The following AGBL4 variants were observed in gnomAD, a reference collection of about 807,000 sequenced individuals.
AGBL4 encodes the protein cytosolic carboxypeptidase 6.
Under a neutral mutation model 66.4 loss-of-function variants are expected in AGBL4, and 58 were observed. That is an observed-to-expected ratio of 0.87 (90% CI 0.71 to 1.09). The LOEUF is 1.09. Ranked by LOEUF, AGBL4 falls within the 50% of genes least tolerant of loss-of-function variation. AGBL4 has a pLI of 0.00. For missense variants in AGBL4, 579 were observed against 631.0 expected (o/e 0.92, Z 0.88); for synonymous variants, 234 against 222.9 (o/e 1.05, Z -0.44).
chr1:49,885,974 C>G (rs188383879), intron 1 of AGBL4, among the ~76,000 whole-genome samples: 1 of 152,094 alleles, frequency 6.6e-6, no homozygotes, highest in Non-Finnish European at 1.5e-5. Context: ...AAGTGATGAT[C>G]TTGGACTTCT....
At chr1:49,781,504 C>A (rs774837209) in intron 2 of AGBL4, among the ~76,000 whole-genome samples, 1 of 151,992 alleles carries the variant, frequency 6.6e-6, no homozygotes, top group Non-Finnish European at 1.5e-5. Context: ...TGAAGCAAAA[C>A]ATGACAGAAT....
chr1:49,458,460 T>C (rs959520771), intron 3 of AGBL4, among the ~76,000 whole-genome samples: 1 of 151,618 alleles, frequency 6.6e-6, no homozygotes, highest in African/African-American at 2.4e-5. Context: ...TAGATGAGTC[T>C]TTAGGATTTT....
chr1:49,870,417 T>C (rs1013391289), intron 1 of AGBL4, among the ~76,000 whole-genome samples: 1 of 151,904 alleles, frequency 6.6e-6, no homozygotes, highest in Non-Finnish European at 1.5e-5. Flanking sequence ...TAATTGTACA[T>C]TTTTAAATAA....
chr1:48,529,097 G>C (rs75758345), downstream of AGBL4, among the ~76,000 whole-genome samples: 297 of 152,070 alleles, frequency 2.0e-3, 10 homozygotes, highest in East Asian at 0.052. Flanking sequence ...AGTGAGCACA[G>C]ACTCTGCTAC....
At chr1:49,947,258 C>T (rs533726199) in intron 1 of AGBL4, among the ~76,000 whole-genome samples, 1 of 152,020 alleles carries the variant, frequency 6.6e-6, no homozygotes, top group Admixed American at 6.6e-5. Context: ...AAACTACAGA[C>T]TAATACCCCT....
intron 5 of AGBL4, among the ~76,000 whole-genome samples, chr1:48,938,205 C>T (rs758140287): frequency 5.9e-5 from 9 of 152,140 alleles, no homozygotes; most frequent in South Asian, 2.1e-4. Flanking sequence ...AAAGCACTGG[C>T]GTCTTACCTG....
chr1:48,629,461 C>T (rs1035180275), intron 9 of AGBL4, among the ~76,000 whole-genome samples: 78 of 152,146 alleles, frequency 5.1e-4, no homozygotes, highest in African/African-American at 1.8e-3. Flanking sequence ...ACAGTTAGAA[C>T]TGGCTCCCAC....
At chr1:49,629,627 G>A (rs943260306) in intron 3 of AGBL4, among the ~76,000 whole-genome samples, 4 of 152,042 alleles carry the variant, frequency 2.6e-5, no homozygotes, top group South Asian at 4.1e-4. Flanking sequence ...ATGATATTTC[G>A]GGTCATTGAA....
chr1:48,878,760 T>C (rs1649467103), intron 5 of AGBL4, among the ~76,000 whole-genome samples: 1 of 152,022 alleles, frequency 6.6e-6, no homozygotes, highest in Non-Finnish European at 1.5e-5. Flanking sequence ...TATTGTGGAG[T>C]TCCTGTGAAA....
chr1:49,561,555 GT>G (rs1644045153), intron 3 of AGBL4, among the ~76,000 whole-genome samples: 1 of 151,878 alleles, frequency 6.6e-6, no homozygotes, highest in Non-Finnish European at 1.5e-5. Flanking sequence ...AGAACATGTG[GT>G]TTTTGGTTTT....
At chr1:49,944,717 A>T (rs992673529) in intron 1 of AGBL4, among the ~76,000 whole-genome samples, 1 of 152,050 alleles carries the variant, frequency 6.6e-6, no homozygotes, top group African/African-American at 2.4e-5. Context: ...GACATCCCTG[A>T]TTTACCTGAA....
chr1:49,984,594 C>A (rs1262523650), intron 1 of AGBL4, among the ~76,000 whole-genome samples: 1 of 152,164 alleles, frequency 6.6e-6, no homozygotes, highest in Non-Finnish European at 1.5e-5. Context: ...CTTCCAGGTG[C>A]CTATCTTTGG....
At chr1:49,915,535 G>A (rs1027141564) in intron 1 of AGBL4, among the ~76,000 whole-genome samples, 1 of 152,224 alleles carries the variant, frequency 6.6e-6, no homozygotes, top group Non-Finnish European at 1.5e-5. Flanking sequence ...TGAGGCTGGG[G>A]AAGGGGCACC....
At chr1:49,270,277 G>C (rs1325748151) in intron 3 of AGBL4, among the ~76,000 whole-genome samples, 5 of 152,100 alleles carry the variant, frequency 3.3e-5, no homozygotes, top group Non-Finnish European at 7.3e-5. Context: ...CTCTCATCTT[G>C]TTTTATGTCC....
chr1:49,010,088 T>C (rs2149004158), intron 5 of AGBL4, among the ~76,000 whole-genome samples: 1 of 152,298 alleles, frequency 6.6e-6, no homozygotes, highest in East Asian at 1.9e-4. Flanking sequence ...GAAGTCAAAT[T>C]GTCCCTCTTT....
intron 5 of AGBL4, among the ~76,000 whole-genome samples, chr1:48,968,471 A>G (rs1328328350): frequency 1.3e-5 from 2 of 152,156 alleles, no homozygotes; most frequent in African/African-American, 4.8e-5. Flanking sequence ...GGAGAGGGGC[A>G]TCTAAACAGA....
chr1:49,183,849 ACCACTCCATGTGGTCACTGG>A (rs1303970645), intron 4 of AGBL4, among the ~76,000 whole-genome samples: 3 of 152,090 alleles, frequency 2.0e-5, no homozygotes, highest in Non-Finnish European at 4.4e-5. Flanking sequence ...CCTTGACCTG[ACCACTCCATGTGGTCACTGG>A]CCACTCCATG....
chr1:49,733,099 G>A (rs189259420), intron 2 of AGBL4, among the ~76,000 whole-genome samples: 4 of 152,262 alleles, frequency 2.6e-5, no homozygotes, highest in African/African-American at 9.6e-5. Context: ...ACTTTCATCA[G>A]AGCCAAAGGA....
intron 3 of AGBL4, among the ~76,000 whole-genome samples, chr1:49,573,132 CTGTG>C (rs959516510): frequency 5.6e-5 from 7 of 126,100 alleles, no homozygotes; most frequent in South Asian, 2.6e-4. Context: ...ATATGTGTGT[CTGTG>C]TGTGTGTGTC....
Sources: allele counts gnomAD v4.1 joint callset (sites outside exome capture counted in the v4.1 genomes callset), GRCh38; gene constraint gnomAD v4.1.1; transcripts MANE v1.5; gene names NCBI Gene and HGNC (gene_info 2026-07-23, HGNC 2026-07-21).